The following SYNPR variants were observed in gnomAD, a reference collection of about 807,000 sequenced individuals.
The protein encoded by SYNPR is synaptoporin.
Under a neutral mutation model 32.9 loss-of-function variants are expected in SYNPR, and 23 were observed. The observed-to-expected ratio is 0.70, with a 90% confidence interval of 0.50 to 0.99. SYNPR has a LOEUF of 0.99. Among genes scored for constraint, SYNPR ranks in the 50% least tolerant of loss-of-function variants. SYNPR has a pLI of 0.00. For synonymous variants in SYNPR, 146 were observed against 135.9 expected, an observed-to-expected ratio of 1.07 and a Z score of -0.52; for missense variants, 318 against 349.3, an observed-to-expected ratio of 0.91 and a Z score of 0.71.
intron 3 of SYNPR, among the ~76,000 whole-genome samples, chr3:63,525,827 G>T (rs1702001391): frequency 6.6e-6 from 1 of 152,146 alleles, no homozygotes; most frequent in Non-Finnish European, 1.5e-5. Context: ...CACTTGTGTT[G>T]CTATAAAGTA....
At chr3:63,380,240 C>G (rs1221467064) in intron 2 of SYNPR, among the ~76,000 whole-genome samples, 1 of 152,164 alleles carries the variant, frequency 6.6e-6, no homozygotes, top group Non-Finnish European at 1.5e-5. Flanking sequence ...ATTTCTAGTT[C>G]TAGATCCCTG....
intron 3 of SYNPR, among the ~76,000 whole-genome samples, chr3:63,518,735 C>G (rs1214888386): frequency 1.3e-5 from 2 of 152,148 alleles, no homozygotes; most frequent in African/African-American, 4.8e-5. Flanking sequence ...ACCTTCACAA[C>G]ACCCTTCTGG....
At chr3:63,527,891 A>G (rs1003598697) in intron 3 of SYNPR, among the ~76,000 whole-genome samples, 1 of 152,178 alleles carries the variant, frequency 6.6e-6, no homozygotes, top group Admixed American at 6.5e-5. Context: ...CATCAGAGTT[A>G]ACATTCTACT....
chr3:63,289,448 C>T, intron 2 of SYNPR: 1 of 164,298 alleles, frequency 6.1e-6, no homozygotes, highest in Non-Finnish European at 1.3e-5. Flanking sequence ...TGGCAGAAGG[C>T]AGAGAGGAGC....
At chr3:63,444,642 T>C (rs538955004) in intron 2 of SYNPR, among the ~76,000 whole-genome samples, 1 of 152,172 alleles carries the variant, frequency 6.6e-6, no homozygotes, top group South Asian at 2.1e-4. Flanking sequence ...AGGATAGCAA[T>C]TTTTCAGATT....
intron 2 of SYNPR, among the ~76,000 whole-genome samples, chr3:63,356,669 A>C (rs2087588255): frequency 6.6e-6 from 1 of 152,236 alleles, no homozygotes; most frequent in African/African-American, 2.4e-5. Flanking sequence ...AAACTAAGAA[A>C]GCCAAATGGT....
intron 2 of SYNPR, among the ~76,000 whole-genome samples, chr3:63,386,807 G>A (rs2088052291): frequency 6.6e-6 from 1 of 152,200 alleles, no homozygotes; most frequent in South Asian, 2.1e-4. Flanking sequence ...GCAAAGAGCA[G>A]CATGGCACTG....
rs115351024 is a variant in SYNPR at position 63,502,612 on chromosome 3, C to T, written c.209+21656C>T. ...TGCTTTTTCTGTCTCCATAGTTTTG[C>T]TTTTTCCAGAATGGCATATAGTTGA... On this transcript the variant is annotated intron_variant, in intron 3 of 5. Coordinates refer to ENST00000478300, the MANE Select transcript of SYNPR (RefSeq NM_001130003.2). Among the ~76,000 whole-genome samples the T allele has an allele frequency of 7.7e-3, 1,177 of 152,200 alleles. 13 individuals are homozygous for T. Among genetic ancestry groups the T allele is most frequent in the African/African-American group, 0.026 (1,091 of 41,546 alleles).
intron 1 of SYNPR, among the ~76,000 whole-genome samples, chr3:63,249,903 A>G (rs1372816168): frequency 6.6e-6 from 1 of 152,084 alleles, no homozygotes; most frequent in Non-Finnish European, 1.5e-5. Flanking sequence ...ATAAATAGAG[A>G]ATGTCTGGCT....
intron 2 of SYNPR, among the ~76,000 whole-genome samples, chr3:63,438,596 G>T (rs1442991955): frequency 6.6e-6 from 1 of 152,166 alleles, no homozygotes; most frequent in African/African-American, 2.4e-5. Flanking sequence ...AAAGAATAGA[G>T]ACAGTGTTGG....
chr3:63,229,524 T>A (rs1332936591), intron 1 of SYNPR, among the ~76,000 whole-genome samples: 1 of 152,142 alleles, frequency 6.6e-6, no homozygotes, highest in African/African-American at 2.4e-5. Context: ...CCTTTTGCAA[T>A]GTACACAGTT....
intron 4 of SYNPR, among the ~76,000 whole-genome samples, chr3:63,563,090 G>A (rs996053760): frequency 2.0e-5 from 3 of 152,086 alleles, no homozygotes; most frequent in Admixed American, 6.5e-5. Flanking sequence ...TCCCACAAAG[G>A]AAAATTGGAG....
intron 2 of SYNPR, among the ~76,000 whole-genome samples, chr3:63,445,021 A>C (rs1048115886): frequency 6.6e-6 from 1 of 151,780 alleles, no homozygotes; most frequent in African/African-American, 2.4e-5. Context: ...TGCTAAGTAA[A>C]CTCACCAGCA....
At chr3:63,460,436 C>T (rs1464841127) in intron 2 of SYNPR, among the ~76,000 whole-genome samples, 1 of 152,024 alleles carries the variant, frequency 6.6e-6, no homozygotes, top group Admixed American at 6.6e-5. Context: ...TAATCAATGT[C>T]TCTCCTCCAT....
intron 1 of SYNPR, among the ~76,000 whole-genome samples, chr3:63,240,232 C>T (rs1413223565): frequency 6.6e-6 from 1 of 152,062 alleles, no homozygotes; most frequent in Non-Finnish European, 1.5e-5. Context: ...GTTTATTTAA[C>T]AGGATAAAAA....
intron 2 of SYNPR, among the ~76,000 whole-genome samples, chr3:63,256,265 T>C (rs1350397093): frequency 6.6e-6 from 1 of 152,222 alleles, no homozygotes; most frequent in South Asian, 2.1e-4. Flanking sequence ...ACGGACAGAC[T>C]GCCTCCTCAA....
At chr3:63,315,659 A>C (rs1034714647) in intron 2 of SYNPR, among the ~76,000 whole-genome samples, 4 of 151,980 alleles carry the variant, frequency 2.6e-5, no homozygotes, top group Non-Finnish European at 5.9e-5. Context: ...AGGGTTTTCA[A>C]GGTAAACAAT....
Position 63,529,342 on chromosome 3 carries a change from A to G in SYNPR, c.210-27201A>G, listed in dbSNP as rs148066139. On this transcript the variant is annotated intron_variant, in intron 3 of 5. Transcript: ENST00000478300. ...GCTGTTATAATGTATTGGGTTTTTT[A>G]TTTGTGTTATTTTCATTGTGGTACT... 1.2e-3 allele frequency among the ~76,000 whole-genome samples: 185 copies of G among 152,292 alleles called. 2 individuals are homozygous for G. In the South Asian group the frequency reaches 0.024, roughly 20 times the overall value.
chr3:63,469,030 C>G (rs1700744015), intron 2 of SYNPR, among the ~76,000 whole-genome samples: 1 of 151,886 alleles, frequency 6.6e-6, no homozygotes, highest in Admixed American at 6.6e-5. Flanking sequence ...CTATGGTATT[C>G]TAAATTGCTC....
Sources: gnomAD v4.1 joint callset for allele counts (sites outside exome capture counted in the v4.1 genomes callset) on GRCh38, gnomAD v4.1.1 for gene constraint, MANE v1.5 for transcripts, NCBI Gene and HGNC (gene_info 2026-07-23, HGNC 2026-07-21) for gene names.